TEX36: variants seen among roughly 807,000 people sequenced by gnomAD.
The protein encoded by TEX36 is testis-expressed protein 36.
Under a neutral mutation model 13.6 loss-of-function variants are expected in TEX36, and 12 were observed. That is an observed-to-expected ratio of 0.88 (90% confidence interval 0.56 to 1.43). TEX36 has a LOEUF of 1.43. Among genes scored for constraint, TEX36 ranks in the 40% most tolerant of loss-of-function variants. TEX36 has a pLI of 0.00. For missense variants in TEX36, 224 were observed against 228.3 expected (o/e 0.98, Z 0.12); for synonymous variants, 93 against 83.0 (o/e 1.12, Z -0.65).
chr10:125,641,304 A>C lies in TEX36; in HGVS notation c.265-19659T>G, dbSNP rs144061737. 1.2e-3 allele frequency among the ~76,000 whole-genome samples: 185 copies of C among 152,366 alleles called. 1 individual carries two copies. Among genetic ancestry groups the C allele is most frequent in the African/African-American group, 4.3e-3 (177 of 41,592 alleles). ...TTTTAAGTCATGGTCCTAAATGCTA[A>C]AGCAGACCAAAAGAGAATGTACGTC... On this transcript the variant is annotated intron_variant, in intron 3 of 3. Transcript: ENST00000526819.
At chr10:125,675,916 T>C (rs915482143) in intron 1 of TEX36, among the ~76,000 whole-genome samples, 1 of 152,246 alleles carries the variant, frequency 6.6e-6, no homozygotes, top group African/African-American at 2.4e-5. Context: ...CCTATGTATT[T>C]GCATAGTTTC....
chr10:125,581,167 G>T (rs563278862), intron 3 of TEX36, among the ~76,000 whole-genome samples: 17 of 152,106 alleles, frequency 1.1e-4, no homozygotes, highest in Middle Eastern at 3.2e-3. Context: ...TCTCCACCTT[G>T]TTCTGTCTCT....
At chr10:125,580,453 GGGCTATGAGATTTAAGT>G (rs1168844074) in intron 3 of TEX36, among the ~76,000 whole-genome samples, 1 of 152,224 alleles carries the variant, frequency 6.6e-6, no homozygotes, top group African/African-American at 2.4e-5. Context: ...CAGCTAGACA[GGGCTATGAGATTTAAGT>G]GGCTTCCTGC....
chr10:125,635,332 A>G (rs776492469), intron 3 of TEX36, among the ~76,000 whole-genome samples: 4 of 152,172 alleles, frequency 2.6e-5, no homozygotes, highest in Non-Finnish European at 5.9e-5. Flanking sequence ...TTCTCATGCA[A>G]TCCTTAATTA....
intron 3 of TEX36, among the ~76,000 whole-genome samples, chr10:125,643,587 A>G (rs1413141894): frequency 1.3e-5 from 2 of 152,060 alleles, no homozygotes; most frequent in Non-Finnish European, 2.9e-5. Flanking sequence ...CTAAAAATAC[A>G]AAAAATTAGC....
chr10:125,590,696 A>T (rs1003998444), intron 3 of TEX36, among the ~76,000 whole-genome samples: 1 of 152,200 alleles, frequency 6.6e-6, no homozygotes, highest in Non-Finnish European at 1.5e-5. Context: ...ATGAAAACGC[A>T]TTGGAAAAAA....
At chr10:125,615,570 T>G (rs1284441431) in intron 3 of TEX36, among the ~76,000 whole-genome samples, 12 of 151,926 alleles carry the variant, frequency 7.9e-5, no homozygotes, top group Admixed American at 7.9e-4. Flanking sequence ...GTTCTGTTTA[T>G]ATGCTGGATT....
At chr10:125,662,633 G>T (rs1847063928) in intron 1 of TEX36, among the ~76,000 whole-genome samples, 1 of 152,186 alleles carries the variant, frequency 6.6e-6, no homozygotes, top group Admixed American at 6.5e-5. Flanking sequence ...CCCAACAAGG[G>T]CCTCTGTTGA....
chr10:125,611,638 C>A (rs1846291222), intron 3 of TEX36, among the ~76,000 whole-genome samples: 2 of 151,602 alleles, frequency 1.3e-5, no homozygotes, highest in South Asian at 2.1e-4. Context: ...AGGCTTATTG[C>A]AAACTTTTTT....
chr10:125,593,596 A>G (rs1846048325), intron 3 of TEX36, among the ~76,000 whole-genome samples: 1 of 152,258 alleles, frequency 6.6e-6, no homozygotes, highest in Non-Finnish European at 1.5e-5. Context: ...TATCCCTTAC[A>G]GAGGCATGTG....
intron 3 of TEX36, among the ~76,000 whole-genome samples, chr10:125,631,587 G>T (rs1461756184): frequency 6.6e-6 from 1 of 152,232 alleles, no homozygotes; most frequent in East Asian, 1.9e-4. Flanking sequence ...GTGACCAGGG[G>T]CAGCGTTGGG....
chr10:125,657,218 A>G (rs1041677479), intron 3 of TEX36, among the ~76,000 whole-genome samples: 8 of 152,212 alleles, frequency 5.3e-5, no homozygotes, highest in African/African-American at 1.4e-4. Context: ...TCAGATTTGC[A>G]GCAGGAGATG....
At chr10:125,580,479 G>C (rs1845869633) in intron 3 of TEX36, among the ~76,000 whole-genome samples, 1 of 152,178 alleles carries the variant, frequency 6.6e-6, no homozygotes. Flanking sequence ...GTGGCTTCCT[G>C]CCTGTCCCAG....
chr10:125,627,886 G>A lies in TEX36; in HGVS notation c.265-6241C>T, dbSNP rs146634519. The stretch of plus-strand genomic sequence containing the variant: ...TGGTGGATTTGAGAAGGTGCCAGGC[G>A]GTAACACCTAGAATATCAAAGCCAC... On this transcript the variant is annotated intron_variant, in intron 3 of 3. Transcript: ENST00000526819. Among the ~76,000 whole-genome samples the A allele has an allele frequency of 1.5e-3, 224 of 152,208 alleles. 1 individual carries two copies. The highest frequency in any genetic ancestry group is 4.7e-3 in the African/African-American group (197 of 41,506).
intron 3 of TEX36, among the ~76,000 whole-genome samples, chr10:125,612,770 C>T (rs578232123): frequency 4.3e-4 from 65 of 150,888 alleles, no homozygotes; most frequent in Middle Eastern, 3.4e-3. Flanking sequence ...TTATCACATC[C>T]GCTAAAACTT....
chr10:125,597,608 C>A (rs1351790580), intron 3 of TEX36, among the ~76,000 whole-genome samples: 1 of 152,168 alleles, frequency 6.6e-6, no homozygotes, highest in African/African-American at 2.4e-5. Flanking sequence ...TAGGTGGATT[C>A]AGAGATTCTT....
chr10:125,595,294 A>G (rs1846066964), intron 3 of TEX36, among the ~76,000 whole-genome samples: 1 of 151,358 alleles, frequency 6.6e-6, no homozygotes, highest in Non-Finnish European at 1.5e-5. Context: ...TCACCCCCCC[A>G]CCAAAATAAA....
intron 3 of TEX36, among the ~76,000 whole-genome samples, chr10:125,595,477 G>A (rs988486332): frequency 1.3e-5 from 2 of 152,040 alleles, no homozygotes; most frequent in African/African-American, 4.8e-5. Flanking sequence ...TCCTCTTTGG[G>A]GCCCAGGGGA....
At chr10:125,667,661 A>G (rs1847145445) in intron 1 of TEX36, 6 of 718,590 alleles carry the variant, frequency 8.3e-6, no homozygotes, top group Non-Finnish European at 7.7e-6. Context: ...GGACATGACA[A>G]CTTGGGGGAA....
Sources: gnomAD v4.1 joint callset for allele counts (sites outside exome capture counted in the v4.1 genomes callset) on GRCh38, gnomAD v4.1.1 for gene constraint, MANE v1.5 for transcripts, NCBI Gene and HGNC (gene_info 2026-07-23, HGNC 2026-07-21) for gene names.